Variants in SLC6A12 observed in about 807,000 individuals in gnomAD.
SLC6A12 encodes the protein solute carrier family 6 member 12, also known as sodium- and chloride-dependent betaine transporter.
SLC6A12 carries 50 observed loss-of-function variants against 73.3 expected under a neutral mutation model. That is an observed-to-expected ratio of 0.68 (90% confidence interval 0.54 to 0.86). The LOEUF is 0.86. SLC6A12 is among the 40% of genes least tolerant of loss of function. SLC6A12 has a pLI of 0.00. For synonymous variants in SLC6A12, 304 were observed against 309.2 expected (o/e 0.98, Z 0.18); for missense variants, 648 against 772.8 (o/e 0.84, Z 1.92).
chr12:187,516 C>T (rs1048542074), downstream of SLC6A12, among the ~76,000 whole-genome samples: 2 of 141,894 alleles, frequency 1.4e-5, no homozygotes, highest in African/African-American at 5.2e-5. Flanking sequence ...CAGATTTTCC[C>T]AATGAGTGTT....
chr12:198,572 T>C lies in SLC6A12; in HGVS notation c.846+225A>G, dbSNP rs1940043128. The C allele has an allele frequency of 2.2e-6, 1 of 446,672 alleles. No individual in the cohort carries two copies. Among genetic ancestry groups the C allele is most frequent in the African/African-American group, 2.0e-5 (1 of 49,864 alleles). 27.7% of individuals were successfully genotyped at this position (446,672 alleles called of 1,614,324 possible). A position where few individuals can be genotyped will look rare whatever the true frequency, so the allele number is the denominator to read the frequency against. On this transcript the variant is annotated intron_variant, in intron 8 of 15. Coordinates refer to ENST00000684302, the MANE Select transcript of SLC6A12 (RefSeq NM_001122848.3). The surrounding 1 kb of genome is among the most constrained non-coding windows in gnomAD (Gnocchi z 4.0). ...GAGCCAGACCCTGCCTGTCTCTAAGTAAGAGAAAAAAAATTTTTTAAGAAA... is the reference window on the plus strand; with the variant it reads ...GAGCCAGACCCTGCCTGTCTCTAAGCAAGAGAAAAAAAATTTTTTAAGAAA...
chr12:211,519 A>C (rs1337326180), intron 2 of SLC6A12, among the ~76,000 whole-genome samples: 2 of 152,204 alleles, frequency 1.3e-5, no homozygotes, highest in Non-Finnish European at 2.9e-5. Flanking sequence ...GCAGGGGAAA[A>C]GAGGGAGGAA....
Position 192,652 on chromosome 12 carries a change from G to A in SLC6A12, c.1531-4C>T. The A allele has an allele frequency of 6.2e-7, 1 of 1,614,040 alleles. No homozygotes were observed. The highest frequency in any genetic ancestry group is 8.5e-7 in the Non-Finnish European group (1 of 1,179,928). ...TCAAGGAGAAGAGGAAAGTGGCCTG[G>A]GAGAAGGAAGGGGCAGCCATGGGTA... On this transcript the variant is annotated splice_region_variant and splice_polypyrimidine_tract_variant and intron_variant, in intron 14 of 15. Coordinates refer to ENST00000684302, the MANE Select transcript of SLC6A12 (RefSeq NM_001122848.3).
Position 190,780 on chromosome 12 carries a change from A to T in SLC6A12, c.*288T>A, listed in dbSNP as rs184342608. 6.8e-4 allele frequency: 172 copies of T among 252,984 alleles called. 2 individuals carry two copies. Among genetic ancestry groups the T allele is most frequent in the African/African-American group, 3.5e-3 (156 of 45,146 alleles). 15.7% of individuals were successfully genotyped at this position (252,984 alleles called of 1,614,324 possible). On this transcript the variant is annotated 3_prime_UTR_variant, in exon 16 of 16. Transcript: ENST00000684302. ...TCATAACTCGAGGTGTTGCAATCAG[A>T]TGGCGGCCTCCAAAAAGACCCCCCT...
chr12:200,548 A>G lies in SLC6A12; in HGVS notation c.711+103T>C, dbSNP rs1940199872. 3.9e-6 allele frequency: 5 copies of G among 1,270,912 alleles called. No individual in the cohort carries two copies. In the East Asian group the frequency reaches 1.2e-4, roughly 30 times the overall value. 78.7% of individuals were successfully genotyped at this position (1,270,912 alleles called of 1,614,324 possible). On this transcript the variant is annotated intron_variant, in intron 7 of 15. Transcript: ENST00000684302. ...CTCCCCTGCCCTGCTCAGGAAGTGT[A>G]GTTTCTTAATAGAAAGAAATCAGTT...
At chr12:202,967 A>T in intron 4 of SLC6A12, 87 bp from the exon 5 acceptor site, 9 of 1,241,578 alleles carry the variant, frequency 7.2e-6, no homozygotes, top group Non-Finnish European at 1.0e-5. Flanking sequence ...TGAGGTTACA[A>T]GGGTATTGGG....
At chr12:203,490 G>T (rs551672709) in intron 4 of SLC6A12, 23 of 152,252 alleles carry the variant, frequency 1.5e-4, no homozygotes, top group African/African-American at 4.6e-4. Context: ...GCGTTGGGGC[G>T]GCCCGGGCGT....
chr12:205,810 C>T (rs1002949833), intron 3 of SLC6A12, among the ~76,000 whole-genome samples: 4 of 152,032 alleles, frequency 2.6e-5, no homozygotes, highest in East Asian at 1.9e-4. Flanking sequence ...AAATTTTTAC[C>T]GTAAACCTCT....
At chr12:185,685 G>C (rs1208514330), downstream of SLC6A12, among the ~76,000 whole-genome samples, 1 of 152,124 alleles carries the variant, frequency 6.6e-6, no homozygotes, top group Non-Finnish European at 1.5e-5. Context: ...ACTTGCACTC[G>C]CCTCCCGTTA....
chr12:199,147 GT>G, intron 7 of SLC6A12: 1 of 408,506 alleles, frequency 2.4e-6, no homozygotes, highest in East Asian at 4.9e-5. Context: ...CAGGGGGAGG[GT>G]GGGGAGGGGA....
chr12:192,715 A>T, intron 14 of SLC6A12, 67 bp from the exon 15 acceptor site: 11 of 1,462,534 alleles, frequency 7.5e-6, no homozygotes, highest in Non-Finnish European at 1.1e-5. Flanking sequence ...GCAGCTACGT[A>T]CAGCCAAGGA....
intron 13 of SLC6A12, among the ~76,000 whole-genome samples, chr12:194,837 C>T (rs1939786018): frequency 6.6e-6 from 1 of 152,196 alleles, no homozygotes; most frequent in Non-Finnish European, 1.5e-5. Flanking sequence ...TCTGGGTGAT[C>T]GCCTCGTTGT....
chr12:185,642 A>T (rs2137089048), downstream of SLC6A12, among the ~76,000 whole-genome samples: 1 of 152,270 alleles, frequency 6.6e-6, no homozygotes, highest in Middle Eastern at 3.4e-3. Context: ...GCAGGGAGCA[A>T]GCTCCCCTCT....
downstream of SLC6A12, among the ~76,000 whole-genome samples, chr12:189,147 G>C (rs1472372905): frequency 2.6e-5 from 4 of 152,236 alleles, no homozygotes; most frequent in African/African-American, 2.4e-5. Context: ...GGCGTTTGCA[G>C]GCGGGGAGAA....
downstream of SLC6A12, among the ~76,000 whole-genome samples, chr12:188,683 C>CCACA (rs56736458): frequency 2.6e-5 from 4 of 151,668 alleles, no homozygotes; most frequent in African/African-American, 9.7e-5. Context: ...GTATGCACAC[C>CCACA]CACACACACA....
chr12:196,385 G>A (rs1483964805), intron 11 of SLC6A12, 124 bp from the exon 12 acceptor site: 16 of 1,231,996 alleles, frequency 1.3e-5, no homozygotes, highest in Admixed American at 2.5e-5. Context: ...AGCACAAAGG[G>A]AAGAAATGGG....
downstream of SLC6A12, among the ~76,000 whole-genome samples, chr12:189,224 GC>G (rs1939501116): frequency 6.6e-6 from 1 of 152,086 alleles, no homozygotes; most frequent in South Asian, 2.1e-4. Context: ...CGTGCTAGGG[GC>G]CCCGGGGGAG....
chr12:202,906 A>G (rs1316147135), intron 4 of SLC6A12, 26 bp from the exon 5 acceptor site: 1 of 1,607,114 alleles, frequency 6.2e-7, no homozygotes, highest in Admixed American at 1.7e-5. Context: ...AGAGATGGGG[A>G]GGGACAAGAG....
chr12:197,097 C>T (rs376245849), intron 10 of SLC6A12, among the ~76,000 whole-genome samples: 1 of 39,616 alleles, frequency 2.5e-5, no homozygotes. Context: ...ATCCATCCAT[C>T]CATCCATCCA....
Sources: gnomAD v4.1 joint callset for allele counts (sites outside exome capture counted in the v4.1 genomes callset) on GRCh38, gnomAD v4.1.1 for gene constraint, Gnocchi (gnomAD v3.1) non-coding constraint, MANE v1.5 for transcripts, NCBI Gene and HGNC (gene_info 2026-07-23, HGNC 2026-07-21) for gene names.